The following CRPPA variants were observed in gnomAD, a reference collection of about 807,000 sequenced individuals.
CRPPA encodes CDP-L-ribitol pyrophosphorylase A.
CRPPA carries 43 observed loss-of-function variants against 52.0 expected under a neutral mutation model. That is an observed-to-expected ratio of 0.83 (90% CI 0.65 to 1.07). The LOEUF (loss-of-function observed/expected upper bound fraction) is 1.07, where lower values mean the gene tolerates loss of function less well. Among genes scored for constraint, CRPPA ranks in the 50% least tolerant of loss-of-function variants. CRPPA has a pLI of 0.00. For synonymous variants in CRPPA, 250 were observed against 203.5 expected (o/e 1.23, Z -1.94); for missense variants, 629 against 551.7 (o/e 1.14, Z -1.40).
intron 9 of CRPPA, among the ~76,000 whole-genome samples, chr7:16,104,044 A>G (rs1305756575): frequency 1.3e-5 from 2 of 152,208 alleles, no homozygotes; most frequent in Non-Finnish European, 2.9e-5. Context: ...ACTAGTTAAA[A>G]AGACCCCTGG....
intron 9 of CRPPA, among the ~76,000 whole-genome samples, chr7:16,159,145 G>A (rs771055799): frequency 1.4e-4 from 21 of 152,024 alleles, no homozygotes; most frequent in African/African-American, 3.9e-4. Context: ...GGCCGGGTGC[G>A]GTGGCTCACA....
Position 16,229,800 on chromosome 7 carries a change from G to C in CRPPA, c.1120-13603C>G, listed in dbSNP as rs374636502. Reference sequence around the variant, plus strand: ...TTTTTGGCTGAAAGGATTCCCATTAGCATTTCTTGTGTATCAGGTCTGGTG... The same window carrying C: ...TTTTTGGCTGAAAGGATTCCCATTACCATTTCTTGTGTATCAGGTCTGGTG... On this transcript the variant is annotated intron_variant, in intron 8 of 9. Transcript: ENST00000407010. Among the ~76,000 whole-genome samples, 6 of 152,086 alleles carry C rather than the reference G, an allele frequency of 3.9e-5. No homozygotes were observed. In the South Asian group the frequency reaches 6.2e-4, roughly 16 times the overall value.
intron 5 of CRPPA, among the ~76,000 whole-genome samples, chr7:16,287,847 G>C (rs1231504846): frequency 6.7e-6 from 1 of 148,870 alleles, no homozygotes; most frequent in Non-Finnish European, 1.5e-5. Flanking sequence ...ACTTGAACCT[G>C]GGAAGCAGAG....
intron 5 of CRPPA, among the ~76,000 whole-genome samples, chr7:16,294,010 A>ACG (rs1784618037): frequency 6.6e-6 from 1 of 151,876 alleles, no homozygotes. Context: ...ACGTGTGTCC[A>ACG]TGTCATTTTT....
intron 9 of CRPPA, among the ~76,000 whole-genome samples, chr7:16,124,874 AAT>A (rs575659941): frequency 5.1e-4 from 77 of 151,714 alleles, no homozygotes; most frequent in South Asian, 4.6e-3. Context: ...AAAATAAAAA[AAT>A]ATATATAATC....
At chr7:16,396,530 CT>C (rs1480279060) in intron 2 of CRPPA, among the ~76,000 whole-genome samples, 1 of 152,198 alleles carries the variant, frequency 6.6e-6, no homozygotes, top group Non-Finnish European at 1.5e-5. Flanking sequence ...CCTTAAAAAT[CT>C]AAAAGTAGAA....
chr7:16,234,897 GA>G (rs1388754309), intron 8 of CRPPA, among the ~76,000 whole-genome samples: 6 of 152,158 alleles, frequency 3.9e-5, no homozygotes, highest in Admixed American at 3.9e-4. Flanking sequence ...GTTTCAGGTA[GA>G]AAGAAAAACT....
intron 9 of CRPPA, among the ~76,000 whole-genome samples, chr7:16,140,483 AG>A: frequency 6.6e-6 from 1 of 152,200 alleles, no homozygotes; most frequent in Non-Finnish European, 1.5e-5. Context: ...CTGATTTTTA[AG>A]AAGTATGGCG....
At chr7:16,359,785 T>C (rs1786394230) in intron 3 of CRPPA, among the ~76,000 whole-genome samples, 1 of 152,164 alleles carries the variant, frequency 6.6e-6, no homozygotes, top group South Asian at 2.1e-4. Context: ...GCCTCTTCTC[T>C]AGTATTTTAT....
intron 5 of CRPPA, among the ~76,000 whole-genome samples, chr7:16,284,707 G>T (rs1233507793): frequency 6.6e-6 from 1 of 152,052 alleles, no homozygotes; most frequent in African/African-American, 2.4e-5. Context: ...ATGCCCACTC[G>T]TTCTCATTGT....
intron 9 of CRPPA, among the ~76,000 whole-genome samples, chr7:16,200,953 G>A (rs189843098): frequency 6.6e-6 from 1 of 152,208 alleles, no homozygotes; most frequent in Admixed American, 6.5e-5. Context: ...GTTCATTTAT[G>A]TTATTTTTTA....
At chr7:16,245,486 A>T (rs1783244394) in intron 8 of CRPPA, among the ~76,000 whole-genome samples, 1 of 152,212 alleles carries the variant, frequency 6.6e-6, no homozygotes, top group Admixed American at 6.5e-5. Flanking sequence ...AGGACAATTC[A>T]AACACCCAGA....
At chr7:16,417,662 A>C (rs996592130) in intron 1 of CRPPA, among the ~76,000 whole-genome samples, 7 of 152,184 alleles carry the variant, frequency 4.6e-5, no homozygotes, top group African/African-American at 1.7e-4. Flanking sequence ...GCAAAGGTTG[A>C]AAAACTATTC....
rs1230469079 is a variant in CRPPA, at chr7:16,406,428, T to G, written c.258-91A>C. 5.4e-6 allele frequency: 6 copies of G among 1,107,720 alleles called. No homozygotes were observed. The Admixed American group carries it at 1.5e-4, about 28-fold the overall frequency. The allele number at this position is 1,107,720 out of a possible 1,614,324, so 68.6% of individuals were successfully genotyped here. A position where few individuals can be genotyped will look rare whatever the true frequency, so the allele number is the denominator to read the frequency against. On this transcript the variant is annotated intron_variant, in intron 1 of 9. Transcript: ENST00000407010. ...ATTGAATCACTAGTATTGGTATATT[T>G]AAATAGGGAGATTAAAAACTGCAAG...
intron 8 of CRPPA, among the ~76,000 whole-genome samples, chr7:16,227,082 T>C (rs1782671800): frequency 6.6e-6 from 1 of 151,896 alleles, no homozygotes; most frequent in East Asian, 1.9e-4. Context: ...TTCCTTCTTT[T>C]TCATGGCCAA....
chr7:16,232,533 T>C, intron 8 of CRPPA, among the ~76,000 whole-genome samples: 1 of 152,104 alleles, frequency 6.6e-6, no homozygotes. Context: ...GCCAAATAAA[T>C]CACTTTTCTT....
chr7:16,278,877 G>A (rs534920659), intron 5 of CRPPA, among the ~76,000 whole-genome samples: 1 of 152,296 alleles, frequency 6.6e-6, no homozygotes, highest in South Asian at 2.1e-4. Flanking sequence ...AAGATATGAA[G>A]TCCTCCTCTA....
At chr7:16,369,825 C>T (rs760687780) in intron 3 of CRPPA, among the ~76,000 whole-genome samples, 5 of 152,056 alleles carry the variant, frequency 3.3e-5, no homozygotes, top group African/African-American at 1.2e-4. Flanking sequence ...AAAGAATCCA[C>T]AGACCCTTTG....
At chr7:16,275,684 T>C (rs1471193847) in intron 6 of CRPPA, among the ~76,000 whole-genome samples, 2 of 151,730 alleles carry the variant, frequency 1.3e-5, no homozygotes, top group Non-Finnish European at 2.9e-5. Flanking sequence ...AAAAAAAAAT[T>C]AGCTGGGCAT....
Sources: allele counts gnomAD v4.1 joint callset (sites outside exome capture counted in the v4.1 genomes callset), GRCh38; gene constraint gnomAD v4.1.1; transcripts MANE v1.5; gene names NCBI Gene and HGNC (gene_info 2026-07-23, HGNC 2026-07-21).